The following PPM1G variants were observed in gnomAD, a reference collection of about 807,000 sequenced individuals.
PPM1G encodes protein phosphatase 1G.
PPM1G carries 12 observed loss-of-function variants against 59.4 expected under a neutral mutation model. The observed-to-expected ratio is 0.20, with a 90% CI of 0.13 to 0.33. The LOEUF (loss-of-function observed/expected upper bound fraction) is 0.33, where lower values mean the gene tolerates loss of function less well. PPM1G is among the 10% of genes least tolerant of loss of function. PPM1G has a pLI of 1.00. For missense variants in PPM1G, 392 were observed against 681.3 expected, an observed-to-expected ratio of 0.58 and a Z score of 4.73; for synonymous variants, 245 against 251.9, an observed-to-expected ratio of 0.97 and a Z score of 0.26.
intron 1 of PPM1G, among the ~76,000 whole-genome samples, chr2:27,387,541 C>G (rs1001951286): frequency 2.0e-5 from 3 of 152,058 alleles, no homozygotes; most frequent in African/African-American, 7.2e-5. Context: ...CGCCCTGTCA[C>G]CCAAGCTGGA....
At chr2:27,406,025 AAAC>A (rs935919837) in intron 1 of PPM1G, among the ~76,000 whole-genome samples, 16 of 152,158 alleles carry the variant, frequency 1.1e-4, no homozygotes, top group Admixed American at 7.2e-4. Context: ...AAAACAAAAC[AAAC>A]AACAACAACA....
chr2:27,384,309 A>G lies in PPM1G; in HGVS notation c.826-217T>C, dbSNP rs1683711962. ...AGCAGTCACTAGCAAAAAGCCCAGG[A>G]CAAGGCAAGGGCTGCCAGCCAAAAA... On this transcript the variant is annotated intron_variant, in intron 5 of 9. Transcript: ENST00000344034. The surrounding 1 kb of genome is among the most constrained non-coding windows in gnomAD (Gnocchi z 4.8). Among the ~76,000 whole-genome samples the G allele has an allele frequency of 6.6e-6, 1 of 152,266 alleles. No homozygotes were observed. The highest frequency in any genetic ancestry group is 1.5e-5 in the Non-Finnish European group (1 of 68,042).
chr2:27,385,123 C>A lies in PPM1G; in HGVS notation c.410-35G>T. On this transcript the variant is annotated intron_variant, in intron 4 of 9. Transcript: ENST00000344034. The surrounding 1 kb of genome is among the most constrained non-coding windows in gnomAD (Gnocchi z 4.1). ...AGAGGCTAAATCAGAGCCCCCATGC[C>A]AGACTCCTCATGGGATCCGTCCCTC... The A allele has an allele frequency of 6.5e-7, 1 of 1,540,622 alleles. No individual in the cohort carries two copies. The highest frequency in any genetic ancestry group is 1.2e-5 in the South Asian group (1 of 80,120).
At position 27,385,637 on chromosome 2, in the gene PPM1G, AG is replaced by A; in HGVS notation, c.409+109del. 7.2e-7 allele frequency: 1 copy of A among 1,382,688 alleles called. No homozygotes were observed. Among genetic ancestry groups the A allele is most frequent in the South Asian group, 1.4e-5 (1 of 68,992 alleles). 85.7% of individuals were successfully genotyped at this position (1,382,688 alleles called of 1,614,324 possible). On this transcript the variant is annotated intron_variant, in intron 4 of 9. Coordinates refer to ENST00000344034, the MANE Select transcript of PPM1G (RefSeq NM_177983.3). The surrounding 1 kb of genome is among the most constrained non-coding windows in gnomAD (Gnocchi z 4.1). ...GAACATCATAGGTTTCTTTAACATAAGGACTCCCCAGGTCCCTAGAAAGCCA... is the reference window on the plus strand; with the variant it reads ...GAACATCATAGGTTTCTTTAACATAAGACTCCCCAGGTCCCTAGAAAGCCA...
Position 27,383,264 on chromosome 2 carries a change from G to T in PPM1G, c.1201+102C>A. The stretch of plus-strand genomic sequence containing the variant: ...GAACAGAGGTAGTAGATATTAAAGT[G>T]CTTTGAAAGGCACAAGCACTAGGAA... On this transcript the variant is annotated intron_variant, in intron 7 of 9. Coordinates refer to ENST00000344034, the MANE Select transcript of PPM1G (RefSeq NM_177983.3). The surrounding 1 kb of genome is among the most constrained non-coding windows in gnomAD (Gnocchi z 5.0). 2.0e-6 allele frequency: 2 copies of T among 993,486 alleles called. No individual in the cohort carries two copies. Among genetic ancestry groups the T allele is most frequent in the Non-Finnish European group, 3.1e-6 (2 of 648,272 alleles). 61.5% of individuals were successfully genotyped at this position (993,486 alleles called of 1,614,324 possible). A position where few individuals can be genotyped will look rare whatever the true frequency, so the allele number is the denominator to read the frequency against.
chr2:27,386,170 A>G, intron 3 of PPM1G, 24 bp downstream of exon 3: 1 of 1,585,280 alleles, frequency 6.3e-7, no homozygotes, highest in Non-Finnish European at 8.7e-7. Context: ...ACAAGTGAGG[A>G]ATGGGCGGTG....
intron 1 of PPM1G, among the ~76,000 whole-genome samples, 179 bp from the exon 2 acceptor site, chr2:27,387,337 A>T (rs1683793021): frequency 6.6e-6 from 1 of 152,176 alleles, no homozygotes; most frequent in Non-Finnish European, 1.5e-5. Context: ...GAGGCAAAGG[A>T]GGAAAGGGGA....
chr2:27,389,106 T>A (rs1683836963), intron 1 of PPM1G, among the ~76,000 whole-genome samples: 1 of 152,206 alleles, frequency 6.6e-6, no homozygotes, highest in Non-Finnish European at 1.5e-5. Flanking sequence ...GTCAGCTACC[T>A]TATGGTGTGC....
chr2:27,398,236 G>T (rs1182198739), intron 1 of PPM1G, among the ~76,000 whole-genome samples: 1 of 152,128 alleles, frequency 6.6e-6, no homozygotes. Context: ...TGACAATGAT[G>T]CCAAGATAAT....
chr2:27,408,820 C>T (rs1296967965), intron 1 of PPM1G, among the ~76,000 whole-genome samples: 1 of 152,194 alleles, frequency 6.6e-6, no homozygotes, highest in African/African-American at 2.4e-5. Context: ...ACAGACTCTG[C>T]CCGGGGTTCC....
At position 27,383,460 on chromosome 2, in the gene PPM1G, C is replaced by T; in HGVS notation, c.1107G>A (p.Glu369=). 6.2e-7 allele frequency: 1 copy of T among 1,614,166 alleles called. No individual in the cohort carries two copies. Among genetic ancestry groups the T allele is most frequent in the Non-Finnish European group, 8.5e-7 (1 of 1,180,040 alleles). The change falls in exon 7 of 10, where the codon GAG becomes GAA. Residue 369 remains glutamate, a synonymous_variant. Coordinates refer to ENST00000344034, the MANE Select transcript of PPM1G (RefSeq NM_177983.3). This position sits in a 1 kb window ranked among gnomAD's most constrained non-coding sequence, Gnocchi z 5.0. ...TGATGCGTGCTAGTTCTACTTCATCCTCTGGTTTGTGATCATAGGACATGT... is the reference window on the plus strand; with the variant it reads ...TGATGCGTGCTAGTTCTACTTCATCTTCTGGTTTGTGATCATAGGACATGT... ...ALDMSYDHKP[E]DEVELARIKN...
Position 27,385,074 on chromosome 2 carries a change from C to A in PPM1G, c.424G>T (p.Ala142Ser). Residue 142 changes from alanine to serine, a missense_variant, in exon 5 of 10, where the codon GCT becomes TCT. Transcript: ENST00000344034. The surrounding 1 kb of genome is among the most constrained non-coding windows in gnomAD (Gnocchi z 4.1). Reference protein sequence around the residue: ...ADEDDVDNEEAALLHEEATMT... With the variant: ...ADEDDVDNEESALLHEEATMT... Reference sequence around the variant, plus strand: ...GTAGCCTCTTCATGCAGCAGTGCAGCCTCCTCATTGTCCACTGCAGGGAAG... The same window carrying A: ...GTAGCCTCTTCATGCAGCAGTGCAGACTCCTCATTGTCCACTGCAGGGAAG... 6.2e-7 allele frequency: 1 copy of A among 1,605,406 alleles called. No homozygotes were observed. Among genetic ancestry groups the A allele is most frequent in the Non-Finnish European group, 8.5e-7 (1 of 1,176,668 alleles).
At chr2:27,386,917 T>C (rs1683777680) in intron 2 of PPM1G, 172 bp downstream of exon 2, 2 of 592,410 alleles carry the variant, frequency 3.4e-6, no homozygotes, top group East Asian at 2.8e-5. Context: ...TATAAACCAA[T>C]ACAGTACCTA....
chr2:27,394,025 G>A (rs1197347770), intron 1 of PPM1G, among the ~76,000 whole-genome samples: 6 of 152,066 alleles, frequency 3.9e-5, no homozygotes, highest in Non-Finnish European at 7.4e-5. Flanking sequence ...GCCTCCCAAA[G>A]TGCTGGGATT....
intron 1 of PPM1G, among the ~76,000 whole-genome samples, chr2:27,398,854 GC>G (rs1298803085): frequency 6.6e-6 from 1 of 151,410 alleles, no homozygotes; most frequent in Non-Finnish European, 1.5e-5. Context: ...AAGAAAGCCA[GC>G]AAAAAGAATC....
In PPM1G at chr2:27,385,918, G is replaced by T; in HGVS notation, c.277-39C>A. ...AAATAGTCTAAGACTAGTACAAAAT[G>T]AACTCCCTATATACAATCCTGAGCA... On this transcript the variant is annotated intron_variant, in intron 3 of 9. Coordinates refer to ENST00000344034, the MANE Select transcript of PPM1G (RefSeq NM_177983.3). The surrounding 1 kb of genome is among the most constrained non-coding windows in gnomAD (Gnocchi z 4.1). 6.3e-7 allele frequency: 1 copy of T among 1,597,728 alleles called. No homozygotes were observed. Among genetic ancestry groups the T allele is most frequent in the Non-Finnish European group, 8.5e-7 (1 of 1,173,716 alleles).
chr2:27,397,213 A>G (rs1400524217), intron 1 of PPM1G, among the ~76,000 whole-genome samples: 7 of 152,146 alleles, frequency 4.6e-5, no homozygotes, highest in Admixed American at 3.9e-4. Context: ...AACTTCCCAC[A>G]AAGAAGAGCC....
At chr2:27,404,772 G>A (rs1467717051) in intron 1 of PPM1G, among the ~76,000 whole-genome samples, 1 of 151,076 alleles carries the variant, frequency 6.6e-6, no homozygotes, top group Non-Finnish European at 1.5e-5. Context: ...GTGAAACCCT[G>A]TCTCTATTGA....
chr2:27,383,625 A>G lies in PPM1G; in HGVS notation c.967-25T>C. On this transcript the variant is annotated intron_variant, in intron 6 of 9. Transcript: ENST00000344034. This position sits in a 1 kb window ranked among gnomAD's most constrained non-coding sequence, Gnocchi z 5.0. ...GCTTAAGAGGAAGAAAAGGAGCATC[A>G]TGGGGGCTTCTGAACATGCGTTCCT... The G allele has an allele frequency of 6.3e-7, 1 of 1,586,574 alleles. No homozygotes were observed. The highest frequency in any genetic ancestry group is 8.6e-7 in the Non-Finnish European group (1 of 1,163,796).
Sources: gnomAD v4.1 joint callset for allele counts (sites outside exome capture counted in the v4.1 genomes callset) on GRCh38, gnomAD v4.1.1 for gene constraint, Gnocchi (gnomAD v3.1) non-coding constraint, MANE v1.5 for transcripts, NCBI Gene and HGNC (gene_info 2026-07-23, HGNC 2026-07-21) for gene names.